The following BANK1 variants were observed in gnomAD, a reference collection of about 807,000 sequenced individuals.
BANK1 encodes B cell scaffold protein with ankyrin repeats 1, also known as B-cell scaffold protein with ankyrin repeats.
In BANK1, 95 loss-of-function variants were observed where a neutral mutation model predicts 94.5. The ratio of observed to expected loss-of-function variants is 1.00; its 90% CI spans 0.85 to 1.19. The LOEUF (loss-of-function observed/expected upper bound fraction) is 1.19. BANK1 is among the 50% of genes most tolerant of loss of function. The pLI, the probability that BANK1 is intolerant of heterozygous loss-of-function variation, is 0.00. For synonymous variants in BANK1, 334 were observed against 308.4 expected (o/e 1.08, Z -0.87); for missense variants, 987 against 932.2 (o/e 1.06, Z -0.77).
At chr4:101,892,772 A>G (rs1173688823) in intron 5 of BANK1, among the ~76,000 whole-genome samples, 8 of 151,984 alleles carry the variant, frequency 5.3e-5, no homozygotes, top group Admixed American at 3.3e-4. Context: ...TGCACAATTT[A>G]TTATAAGAAG....
chr4:101,796,722 C>T (rs193105952), intron 1 of BANK1, among the ~76,000 whole-genome samples: 5 of 152,238 alleles, frequency 3.3e-5, no homozygotes, highest in African/African-American at 7.2e-5. Context: ...ATAACAACAA[C>T]GTTTTCCCAT....
At chr4:101,977,038 G>T (rs1287879495) in intron 7 of BANK1, 2 of 152,232 alleles carry the variant, frequency 1.3e-5, no homozygotes, top group African/African-American at 4.8e-5. Context: ...TCTGATGCAT[G>T]TAGTCAGGGA....
chr4:101,830,926 T>G (rs1726591999), intron 2 of BANK1, among the ~76,000 whole-genome samples: 1 of 152,198 alleles, frequency 6.6e-6, no homozygotes. Flanking sequence ...CTATTTTTTT[T>G]GGAGCAAATT....
chr4:101,820,317 G>A (rs572628406), intron 1 of BANK1, among the ~76,000 whole-genome samples: 119 of 152,148 alleles, frequency 7.8e-4, no homozygotes, highest in African/African-American at 2.5e-3. Context: ...GTATTAAATC[G>A]TTTTTTGTGG....
At chr4:101,936,395 GTA>G (rs1299560540) in intron 7 of BANK1, among the ~76,000 whole-genome samples, 5 of 149,828 alleles carry the variant, frequency 3.3e-5, no homozygotes, top group African/African-American at 7.3e-5. Context: ...ATACATGCAT[GTA>G]TATATGTGCG....
intron 2 of BANK1, among the ~76,000 whole-genome samples, chr4:101,841,391 T>A (rs143277937): frequency 6.6e-6 from 1 of 152,118 alleles, no homozygotes; most frequent in African/African-American, 2.4e-5. Context: ...GCATAAATTA[T>A]AAGTATAGGA....
chr4:101,973,565 A>G (rs1483362801), intron 7 of BANK1, among the ~76,000 whole-genome samples: 2 of 152,064 alleles, frequency 1.3e-5, no homozygotes, highest in Non-Finnish European at 2.9e-5. Context: ...TCAGTAAATA[A>G]ACTATTTTAT....
intron 2 of BANK1, among the ~76,000 whole-genome samples, chr4:101,843,325 G>C (rs1197608418): frequency 6.6e-6 from 1 of 151,926 alleles, no homozygotes; most frequent in Non-Finnish European, 1.5e-5. Flanking sequence ...ACGTAAAATG[G>C]TGCCCCATAG....
intron 2 of BANK1, among the ~76,000 whole-genome samples, chr4:101,838,826 C>A (rs898483076): frequency 6.6e-6 from 1 of 152,172 alleles, no homozygotes; most frequent in Admixed American, 6.5e-5. Context: ...AATTATTTTT[C>A]AAGACAGACA....
At chr4:102,046,722 G>C (rs1727892065) in intron 11 of BANK1, among the ~76,000 whole-genome samples, 1 of 152,164 alleles carries the variant, frequency 6.6e-6, no homozygotes, top group African/African-American at 2.4e-5. Flanking sequence ...TGTAGCCACA[G>C]AAACATCTTC....
intron 2 of BANK1, among the ~76,000 whole-genome samples, chr4:101,843,251 A>G (rs1289046914): frequency 6.6e-6 from 1 of 152,130 alleles, no homozygotes; most frequent in African/African-American, 2.4e-5. Context: ...TTTCCTTATC[A>G]GTATTACTTC....
intron 7 of BANK1, among the ~76,000 whole-genome samples, chr4:101,995,553 G>T (rs1350754526): frequency 5.7e-4 from 86 of 152,130 alleles, no homozygotes; most frequent in African/African-American, 2.0e-3. Context: ...CTAGTTTACA[G>T]TCCCACCAAC....
intron 7 of BANK1, among the ~76,000 whole-genome samples, chr4:102,014,696 A>G (rs947864057): frequency 6.6e-6 from 1 of 152,146 alleles, no homozygotes; most frequent in Non-Finnish European, 1.5e-5. Flanking sequence ...GTATTATAGT[A>G]TTATACACAC....
chr4:102,015,266 T>C (rs952978242), intron 7 of BANK1, among the ~76,000 whole-genome samples: 2 of 152,220 alleles, frequency 1.3e-5, no homozygotes, highest in African/African-American at 4.8e-5. Flanking sequence ...TATCTATGCT[T>C]TTTTTGGTAT....
chr4:101,935,545 A>C (rs1723500490), intron 7 of BANK1, among the ~76,000 whole-genome samples: 1 of 151,554 alleles, frequency 6.6e-6, no homozygotes, highest in African/African-American at 2.4e-5. Flanking sequence ...TGGGGGAGTT[A>C]AAAGGAATCT....
chr4:101,982,174 C>A (rs886083726), intron 7 of BANK1, among the ~76,000 whole-genome samples: 2 of 152,050 alleles, frequency 1.3e-5, no homozygotes, highest in Non-Finnish European at 2.9e-5. Context: ...GAATTAGTAG[C>A]AGCTTTGGCA....
rs1487678298 is a variant in BANK1 at position 101,849,334 on chromosome 4, G to A, written c.470-5701G>A. Among the ~76,000 whole-genome samples, 3 of 152,162 alleles carry A rather than the reference G, an allele frequency of 2.0e-5. No homozygotes were observed. In the East Asian group the frequency reaches 5.8e-4, roughly 29 times the overall value. ...GATCTCATGGAGACTGGAGAAAGGAGTTATGAGAATATAGGTCCAATGGCT... is the reference window on the plus strand; with the variant it reads ...GATCTCATGGAGACTGGAGAAAGGAATTATGAGAATATAGGTCCAATGGCT... On this transcript the variant is annotated intron_variant, in intron 2 of 16. Coordinates refer to ENST00000322953, the MANE Select transcript of BANK1 (RefSeq NM_017935.5).
At chr4:101,986,897 G>GTA (rs1377407537) in intron 7 of BANK1, among the ~76,000 whole-genome samples, 17 of 58,034 alleles carry the variant, frequency 2.9e-4, no homozygotes, top group East Asian at 2.1e-3. Flanking sequence ...GTGTGTGTGT[G>GTA]TGTATATATA....
At chr4:101,792,760 A>G (rs1047002141) in intron 1 of BANK1, among the ~76,000 whole-genome samples, 2 of 152,188 alleles carry the variant, frequency 1.3e-5, no homozygotes, top group African/African-American at 4.8e-5. Flanking sequence ...ATGTACTGCT[A>G]GACAACATTA....
Sources: gnomAD v4.1 joint callset for allele counts (sites outside exome capture counted in the v4.1 genomes callset) on GRCh38, gnomAD v4.1.1 for gene constraint, MANE v1.5 for transcripts, NCBI Gene and HGNC (gene_info 2026-07-23, HGNC 2026-07-21) for gene names.